RASSF8: variants seen among roughly 807,000 people sequenced by gnomAD.
The protein encoded by RASSF8 is ras association domain-containing protein 8.
A neutral mutation model predicts 48.5 loss-of-function variants in RASSF8; 22 were observed. The observed-to-expected ratio is 0.45, with a 90% CI of 0.32 to 0.65. The LOEUF is 0.65. Ranked by LOEUF, RASSF8 falls within the 30% of genes least tolerant of loss-of-function variation. The pLI, the probability that RASSF8 is intolerant of heterozygous loss-of-function variation, is 0.03. For synonymous variants in RASSF8, 127 were observed against 171.5 expected, an observed-to-expected ratio of 0.74 and a Z score of 2.03; for missense variants, 418 against 489.2, an observed-to-expected ratio of 0.85 and a Z score of 1.37.
At chr12:25,969,602 G>A (rs2136852985) in intron 1 of RASSF8, among the ~76,000 whole-genome samples, 1 of 152,252 alleles carries the variant, frequency 6.6e-6, no homozygotes, top group African/African-American at 2.4e-5. Flanking sequence ...TGGTGGAGGT[G>A]GGGAAGTGAG....
chr12:25,983,905 C>G (rs1353732526), intron 1 of RASSF8, among the ~76,000 whole-genome samples: 1 of 152,174 alleles, frequency 6.6e-6, no homozygotes, highest in Non-Finnish European at 1.5e-5. Context: ...GTTGACAGCC[C>G]TTTCTGTACC....
Position 26,070,937 on chromosome 12 carries a change from G to A in RASSF8, c.*2119G>A, listed in dbSNP as rs1943986440. On this transcript the variant is annotated 3_prime_UTR_variant, in exon 6 of 6. Transcript: ENST00000689635. ...TAATAACTTTAAGTAAGGACAAGCA[G>A]CATCCTAGCAACTTGTAGTAGTCTT... The A allele has an allele frequency of 2.0e-6, 2 of 983,424 alleles. No homozygotes were observed. The highest frequency in any genetic ancestry group is 5.2e-4 in the Middle Eastern group (1 of 1,932). The allele number at this position is 983,424 out of a possible 1,614,324, so 60.9% of individuals were successfully genotyped here.
At chr12:25,980,064 C>G (rs570167153) in intron 1 of RASSF8, among the ~76,000 whole-genome samples, 15 of 152,306 alleles carry the variant, frequency 9.8e-5, no homozygotes, top group Admixed American at 2.0e-4. Flanking sequence ...AAACTAGCTC[C>G]TATCCTTAAG....
At chr12:26,033,085 G>T (rs1349966397) in intron 2 of RASSF8, among the ~76,000 whole-genome samples, 1 of 152,154 alleles carries the variant, frequency 6.6e-6, no homozygotes, top group Non-Finnish European at 1.5e-5. Context: ...TCCTTGAAAT[G>T]TGACTTTTCC....
intron 1 of RASSF8, among the ~76,000 whole-genome samples, chr12:25,982,070 C>G (rs185592231): frequency 2.7e-4 from 41 of 152,258 alleles, no homozygotes; most frequent in African/African-American, 7.7e-4. Context: ...TACCACTTTG[C>G]AGGTGGATCT....
intron 2 of RASSF8, among the ~76,000 whole-genome samples, chr12:26,014,274 G>A (rs1249204148): frequency 1.3e-5 from 2 of 152,212 alleles, no homozygotes; most frequent in Non-Finnish European, 2.9e-5. Flanking sequence ...GTTGATCATG[G>A]TATGTGTTCA....
At chr12:26,079,069 A>G (rs1177869611) in exon 6 of RASSF8, 5 of 1,544,956 alleles carry the variant, frequency 3.2e-6, no homozygotes, top group Non-Finnish European at 3.5e-6. Flanking sequence ...GAGTGTAAAG[A>G]TTAGATATCA....
intron 2 of RASSF8, among the ~76,000 whole-genome samples, chr12:25,996,379 A>G (rs957554769): frequency 4.6e-5 from 7 of 152,236 alleles, no homozygotes; most frequent in African/African-American, 1.7e-4. Flanking sequence ...AAGCTGTGCT[A>G]TAAAGCTTTC....
intron 1 of RASSF8, among the ~76,000 whole-genome samples, chr12:25,994,807 A>G (rs1942094431): frequency 6.6e-6 from 1 of 152,210 alleles, no homozygotes; most frequent in South Asian, 2.1e-4. Flanking sequence ...CTTTTTCAAA[A>G]GCACAAAAAT....
intron 3 of RASSF8, among the ~76,000 whole-genome samples, chr12:26,063,624 T>C (rs1391021271): frequency 1.3e-5 from 2 of 152,166 alleles, no homozygotes; most frequent in African/African-American, 4.8e-5. Flanking sequence ...GGTCTCAAAC[T>C]CCTGGGCTCA....
intron 2 of RASSF8, among the ~76,000 whole-genome samples, chr12:25,998,783 C>T (rs11048370): frequency 0.35 from 53,066 of 151,714 alleles, 10,436 homozygotes; most frequent in Non-Finnish European, 0.45. Context: ...TATGTGTGGG[C>T]GTGTATGTGT....
chr12:26,028,133 AAG>A (rs1261393819), intron 2 of RASSF8, among the ~76,000 whole-genome samples: 1 of 152,238 alleles, frequency 6.6e-6, no homozygotes, highest in Non-Finnish European at 1.5e-5. Flanking sequence ...TTATAATTAA[AAG>A]AATTTGAGAC....
chr12:26,006,950 T>C (rs1271629254), intron 2 of RASSF8, among the ~76,000 whole-genome samples: 2 of 152,194 alleles, frequency 1.3e-5, no homozygotes, highest in Non-Finnish European at 2.9e-5. Flanking sequence ...TGGCTTACAA[T>C]TCTGATGTCT....
At position 26,055,401 on chromosome 12, in the gene RASSF8, G is replaced by A; in HGVS notation, c.58G>A (p.Val20Ile). 1 of 1,614,158 alleles carries A rather than the reference G, an allele frequency of 6.2e-7. No homozygotes were observed. Among genetic ancestry groups the A allele is most frequent in the East Asian group, 2.2e-5 (1 of 44,886 alleles). The change falls in exon 3 of 6, where the codon GTC becomes ATC. Residue 20 changes from valine to isoleucine, a missense_variant. Transcript: ENST00000689635. The part of the protein sequence containing the change: ...VQRIVCGVTE[V>I]TTCQEVVIAL... ...GAGGATTGTTTGTGGAGTCACTGAA[G>A]TCACAACTTGCCAGGAGGTTGTCAT...
rs1165873004 is a variant in RASSF8 at position 26,072,002 on chromosome 12, C to T, written c.*3184C>T. 2.0e-6 allele frequency: 2 copies of T among 985,266 alleles called. No homozygotes were observed. Among genetic ancestry groups the T allele is most frequent in the Admixed American group, 1.2e-4 (2 of 16,260 alleles). The allele number at this position is 985,266 out of a possible 1,614,324, so 61.0% of individuals were successfully genotyped here. A position where few individuals can be genotyped will look rare whatever the true frequency, so the allele number is the denominator to read the frequency against. ...CATTTGAAGCCATTTCTGTAAACAT[C>T]TTCCAAGATAGAACTGTAATGGATT... is the stretch of plus-strand genomic sequence containing the variant. On this transcript the variant is annotated 3_prime_UTR_variant, in exon 6 of 6. Transcript: ENST00000689635.
intron 1 of RASSF8, among the ~76,000 whole-genome samples, chr12:25,986,996 C>T (rs1289486388): frequency 3.3e-5 from 5 of 151,746 alleles, no homozygotes; most frequent in African/African-American, 7.3e-5. Flanking sequence ...AGTGCAATGG[C>T]GCAATCTCAG....
At chr12:25,981,233 G>A (rs948663522) in intron 1 of RASSF8, among the ~76,000 whole-genome samples, 1 of 152,124 alleles carries the variant, frequency 6.6e-6, no homozygotes, top group African/African-American at 2.4e-5. Flanking sequence ...ATGACGTGGG[G>A]TTTTATTGGG....
intron 5 of RASSF8, 145 bp from the exon 6 acceptor site, chr12:26,068,551 CT>C: frequency 1.6e-6 from 1 of 636,856 alleles, no homozygotes; most frequent in South Asian, 2.0e-5. Flanking sequence ...TTTTAGCCTT[CT>C]CCCCCAGCCC....
intron 1 of RASSF8, among the ~76,000 whole-genome samples, chr12:25,976,713 C>G (rs1941614608): frequency 6.6e-6 from 1 of 152,136 alleles, no homozygotes; most frequent in Non-Finnish European, 1.5e-5. Flanking sequence ...GTGCTTTATT[C>G]TTTCTTTGCT....
Sources: allele counts gnomAD v4.1 joint callset (sites outside exome capture counted in the v4.1 genomes callset), GRCh38; gene constraint gnomAD v4.1.1; transcripts MANE v1.5; gene names NCBI Gene and HGNC (gene_info 2026-07-23, HGNC 2026-07-21).